Variants in PDK4 observed in about 807,000 individuals in gnomAD.
PDK4 encodes pyruvate dehydrogenase kinase, isozyme 4.
PDK4 carries 43 observed loss-of-function variants against 51.7 expected under a neutral mutation model. The observed-to-expected ratio is 0.83, with a 90% confidence interval of 0.65 to 1.07. The LOEUF is 1.07. Among genes scored for constraint, PDK4 ranks in the 50% least tolerant of loss-of-function variants. PDK4 has a pLI of 0.00. For synonymous variants in PDK4, 170 were observed against 176.6 expected, an observed-to-expected ratio of 0.96 and a Z score of 0.30; for missense variants, 498 against 503.5, an observed-to-expected ratio of 0.99 and a Z score of 0.10.
In PDK4 at chr7:95,585,654, T is replaced by C. The variant is rs371883363; in HGVS notation, c.1223A>G (p.Glu408Gly). 3 of 1,609,808 alleles carry C rather than the reference T, an allele frequency of 1.9e-6. No homozygotes were observed. In the African/African-American group the frequency reaches 4.0e-5, roughly 21 times the overall value. Residue 408 changes from glutamate (E) to glycine (G), a missense_variant, in exon 11 of 11, where the codon GAA becomes GGA. Glu to Gly is a moderately conservative substitution (Grantham distance 98). Coordinates refer to ENST00000005178, the MANE Select transcript of PDK4 (RefSeq NM_002612.4). ...PSREPKNLAK[E>G]VAM The stretch of plus-strand genomic sequence containing the variant: ...GAGTGTCCCTCTTCACATGGCCACT[T>C]CTTTTGCCAGGTTCTTTGGTTCCCT...
In PDK4 at chr7:95,589,647, A is replaced by G; in HGVS notation, c.764T>C (p.Leu255Pro). ...PSHLHHMLFE[L>P]FKNAMRATVE... Reference sequence around the variant, plus strand: ...TATTGTGAAGTATCATACCTTAAATAGTTCAAAGAGCATATGATGGAGGTG... The same window carrying G: ...TATTGTGAAGTATCATACCTTAAATGGTTCAAAGAGCATATGATGGAGGTG... The change falls in exon 7 of 11, where the codon CTA becomes CCA. Residue 255 changes from leucine to proline, a missense_variant. Leu to Pro is a moderately conservative substitution (Grantham distance 98). Transcript: ENST00000005178. 6.6e-7 allele frequency: 1 copy of G among 1,520,648 alleles called. No homozygotes were observed. The highest frequency in any genetic ancestry group is 1.4e-5 in the African/African-American group (1 of 73,190). 94.2% of individuals were successfully genotyped at this position (1,520,648 alleles called of 1,614,324 possible).
Position 95,592,518 on chromosome 7 carries a change from C to G in PDK4, c.609G>C (p.Val203=). 1 of 1,589,964 alleles carries G rather than the reference C, an allele frequency of 6.3e-7. No individual in the cohort carries two copies. The highest frequency in any genetic ancestry group is 1.1e-5 in the South Asian group (1 of 90,538). The change falls in exon 5 of 11, where the codon GTG becomes GTC. Residue 203 remains valine, a synonymous_variant. Coordinates refer to ENST00000005178, the MANE Select transcript of PDK4 (RefSeq NM_002612.4). ...CAGAAATACAGAACATACCTTGGAC[C>G]ACTGCTACCACATCACAGTTAGGAT... is the stretch of plus-strand genomic sequence containing the variant. ...SIDPNCDVVA[V]VQDAFECSRM... is the part of the protein sequence containing the mutation.
At chr7:95,586,338 G>T (rs1238683526) in intron 10 of PDK4, among the ~76,000 whole-genome samples, 2 of 151,812 alleles carry the variant, frequency 1.3e-5, no homozygotes, top group Non-Finnish European at 2.9e-5. Flanking sequence ...GGGGTTACAG[G>T]CACCCGCCAC....
At position 95,587,059 on chromosome 7, in the gene PDK4, T is replaced by A. The variant is rs1562836408; in HGVS notation, c.1046A>T (p.Asn349Ile). 6.2e-7 allele frequency: 1 copy of A among 1,612,214 alleles called. No homozygotes were observed. The highest frequency in any genetic ancestry group is 2.2e-5 in the East Asian group (1 of 44,842). Reference sequence around the variant, plus strand: ...TCCATATCCTGATAAAGAGTAGAGATTCAGATCTCCTTGAAAGTACTTTGC... The same window carrying A: ...TCCATATCCTGATAAAGAGTAGAGAATCAGATCTCCTTGAAAGTACTTTGC... Reference protein sequence around the residue: ...LYAKYFQGDLNLYSLSGYGTD... With the variant: ...LYAKYFQGDLILYSLSGYGTD... The change falls in exon 10 of 11, where the codon AAT becomes ATT. Residue 349 changes from asparagine (N) to isoleucine (I), a missense_variant. Asn to Ile is a moderately radical substitution (Grantham distance 149). Coordinates refer to ENST00000005178, the MANE Select transcript of PDK4 (RefSeq NM_002612.4).
chr7:95,589,978 G>T (rs1181268786), intron 6 of PDK4, among the ~76,000 whole-genome samples: 2 of 151,742 alleles, frequency 1.3e-5, no homozygotes, highest in African/African-American at 4.8e-5. Flanking sequence ...ATGTTGTCCA[G>T]GCTAGTCTTA....
At position 95,595,086 on chromosome 7, in the gene PDK4, T is replaced by A. The variant is rs763088476; in HGVS notation, c.209A>T (p.Lys70Met). Residue 70 changes from lysine to methionine, a missense_variant, in exon 2 of 11, where the codon AAG (lysine) becomes ATG (methionine). By Grantham distance (95) the Lys-to-Met change is moderately conservative. Coordinates refer to ENST00000005178, the MANE Select transcript of PDK4 (RefSeq NM_002612.4). Reference sequence around the variant, plus strand: ...TTGGGTCGGGAGGATATCAATTTCCTTCAGAATGTTGGCGAGTCTCACAGG... The same window carrying A: ...TTGGGTCGGGAGGATATCAATTTCCATCAGAATGTTGGCGAGTCTCACAGG... The part of the protein sequence containing the change: ...ELPVRLANIL[K>M]EIDILPTQLV... 16 of 1,612,870 alleles carry A rather than the reference T, an allele frequency of 9.9e-6. 1 individual carries two copies. In the South Asian group the frequency reaches 1.5e-4, roughly 16 times the overall value.
chr7:95,593,688 A>T lies in PDK4; in HGVS notation c.344+11T>A. 1 of 1,331,328 alleles carries T rather than the reference A, an allele frequency of 7.5e-7. No homozygotes were observed. The highest frequency in any genetic ancestry group is 1.1e-6 in the Non-Finnish European group (1 of 924,178). 82.5% of individuals were successfully genotyped at this position (1,331,328 alleles called of 1,614,324 possible). On this transcript the variant is annotated intron_variant, in intron 3 of 10. Transcript: ENST00000005178. The stretch of plus-strand genomic sequence containing the variant: ...AAGTTTTAAACACTTATTCTAATGC[A>T]TAGAGCTTACTCTGATAATGCTTTC...
intron 7 of PDK4, among the ~76,000 whole-genome samples, 177 bp from the exon 8 acceptor site, chr7:95,588,002 T>C (rs1791508623): frequency 6.6e-6 from 1 of 152,214 alleles, no homozygotes; most frequent in Non-Finnish European, 1.5e-5. Flanking sequence ...ATGTAGGATG[T>C]ATAATGAAAA....
In PDK4 at chr7:95,592,967, A is replaced by G. The variant is rs1025720860; in HGVS notation, c.345-23T>C. ...AAGCTAAGCCACAATATTTATGGTT[A>G]GTAAAAGTTCAAATACGTTTCATTC... is the stretch of plus-strand genomic sequence containing the variant. On this transcript the variant is annotated intron_variant, in intron 3 of 10. Transcript: ENST00000005178. 3 of 1,516,046 alleles carry G rather than the reference A, an allele frequency of 2.0e-6. No individual in the cohort carries two copies. The East Asian group carries it at 6.8e-5, about 35-fold the overall frequency. 93.9% of individuals were successfully genotyped at this position (1,516,046 alleles called of 1,614,324 possible). A position where few individuals can be genotyped will look rare whatever the true frequency, so the allele number is the denominator to read the frequency against.
chr7:95,586,383 C>T (rs751267804), intron 10 of PDK4, among the ~76,000 whole-genome samples: 2 of 151,928 alleles, frequency 1.3e-5, no homozygotes, highest in East Asian at 1.9e-4. Context: ...TTAGTAGAGA[C>T]GGGGTTTCAC....
chr7:95,593,127 A>T (rs1791573508), intron 3 of PDK4, among the ~76,000 whole-genome samples, 183 bp from the exon 4 acceptor site: 1 of 152,166 alleles, frequency 6.6e-6, no homozygotes, highest in Admixed American at 6.5e-5. Flanking sequence ...TAGAGGAGAT[A>T]ATTTCACAAA....
At chr7:95,588,073 T>C (rs992855266) in intron 7 of PDK4, among the ~76,000 whole-genome samples, 1 of 152,208 alleles carries the variant, frequency 6.6e-6, no homozygotes, top group Non-Finnish European at 1.5e-5. Flanking sequence ...CCAATTCTGC[T>C]AGCTGTCAAG....
chr7:95,596,269 G>A lies in PDK4; in HGVS notation c.25C>T (p.Arg9Cys). 1.3e-6 allele frequency: 2 copies of A among 1,582,374 alleles called. No homozygotes were observed. The highest frequency in any genetic ancestry group is 1.7e-6 in the Non-Finnish European group (2 of 1,165,390). Residue 9 changes from arginine to cysteine, a missense_variant, in exon 1 of 11, where the codon CGC (arginine) becomes TGC (cysteine). Coordinates refer to ENST00000005178, the MANE Select transcript of PDK4 (RefSeq NM_002612.4). Reference sequence around the variant, plus strand: ...GCGCCGTTGAGCGAGCCAGCGCTGCGCAGCACGAAGCGGGCCGCCTTCATC... The same window carrying A: ...GCGCCGTTGAGCGAGCCAGCGCTGCACAGCACGAAGCGGGCCGCCTTCATC... MKAARFVL[R>C]SAGSLNGAGL...
intron 6 of PDK4, 84 bp downstream of exon 6, chr7:95,591,904 G>A: frequency 1.4e-6 from 1 of 724,304 alleles, no homozygotes; most frequent in Non-Finnish European, 2.3e-6. Flanking sequence ...GAACACAGAA[G>A]TTGCTTTATA....
intron 6 of PDK4, among the ~76,000 whole-genome samples, chr7:95,590,918 T>C (rs559592926): frequency 2.0e-5 from 3 of 152,276 alleles, no homozygotes; most frequent in South Asian, 4.2e-4. Context: ...GGGAAGACCT[T>C]GTCAGAATTG....
In PDK4 at chr7:95,592,049, T is replaced by C. The variant is rs1280749483; in HGVS notation, c.633A>G (p.Ser211=). Residue 211 remains serine (S), a synonymous_variant, in exon 6 of 11, where the codon TCA becomes TCG. Transcript: ENST00000005178. The part of the protein sequence containing the change: ...VAVVQDAFEC[S]RMLCDQYYLS... Reference sequence around the variant, plus strand: ...AATAATACTGATCACAGAGCATCCTTGAACACTCAAAGGCATCTGGAATAG... The same window carrying C: ...AATAATACTGATCACAGAGCATCCTCGAACACTCAAAGGCATCTGGAATAG... 1.9e-6 allele frequency: 3 copies of C among 1,583,918 alleles called. No individual in the cohort carries two copies. In the African/African-American group the frequency reaches 4.1e-5, roughly 22 times the overall value.
intron 7 of PDK4, 31 bp from the exon 8 acceptor site, chr7:95,587,856 T>C (rs778383694): frequency 3.0e-6 from 4 of 1,348,898 alleles, no homozygotes; most frequent in South Asian, 1.2e-5. Context: ...AGGAATTCAA[T>C]GGCAGAGGAA....
intron 1 of PDK4, 45 bp downstream of exon 1, chr7:95,596,119 T>C (rs1791616366): frequency 3.2e-6 from 5 of 1,544,448 alleles, no homozygotes; most frequent in African/African-American, 1.4e-5. Flanking sequence ...GTTAAGGCAG[T>C]TCCCCAACCC....
rs1178939510 is a variant in PDK4 at position 95,592,742 on chromosome 7, C to T, written c.529+18G>A. 5 of 1,594,398 alleles carry T rather than the reference C, an allele frequency of 3.1e-6. No homozygotes were observed. The African/African-American group carries it at 6.7e-5, about 21-fold the overall frequency. On this transcript the variant is annotated intron_variant, in intron 4 of 10. Transcript: ENST00000005178. ...TACACCCATGTCTATATACCATGAT[C>T]ATGATGAGCTAACTTACTGTGCTGG... is the stretch of plus-strand genomic sequence containing the variant.
Sources: gnomAD v4.1 joint callset for allele counts (sites outside exome capture counted in the v4.1 genomes callset) on GRCh38, gnomAD v4.1.1 for gene constraint, MANE v1.5 for transcripts, NCBI Gene and HGNC (gene_info 2026-07-23, HGNC 2026-07-21) for gene names.